Variants in CDKAL1 observed in about 807,000 individuals in gnomAD.
CDKAL1 encodes threonylcarbamoyladenosine tRNA methylthiotransferase.
In CDKAL1, 32 loss-of-function variants were observed where a neutral mutation model predicts 68.2. The ratio of observed to expected loss-of-function variants is 0.47; its 90% CI spans 0.35 to 0.63. CDKAL1 has a LOEUF of 0.63. Among genes scored for constraint, CDKAL1 ranks in the 30% least tolerant of loss-of-function variants. The probability of loss-of-function intolerance (pLI) is 0.00; values close to 1 mark genes in which losing one functional copy is unlikely to be tolerated. For missense variants in CDKAL1, 606 were observed against 696.7 expected, an observed-to-expected ratio of 0.87 and a Z score of 1.47; for synonymous variants, 234 against 244.3, an observed-to-expected ratio of 0.96 and a Z score of 0.39.
At chr6:20,550,839 T>C (rs1363834484) in intron 4 of CDKAL1, among the ~76,000 whole-genome samples, 4 of 151,256 alleles carry the variant, frequency 2.6e-5, no homozygotes, top group African/African-American at 9.7e-5. Flanking sequence ...TACTTTACAG[T>C]TGAGAAAGGA....
In CDKAL1 at chr6:20,796,342, AAAG is replaced by A. The variant is rs530781910; in HGVS notation, c.638+15082_638+15084del. Among the ~76,000 whole-genome samples the A allele has an allele frequency of 8.0e-4, 122 of 152,334 alleles. 1 individual carries two copies. Among genetic ancestry groups the A allele is most frequent in the Non-Finnish European group, 1.5e-3 (101 of 68,016 alleles). On this transcript the variant is annotated intron_variant, in intron 8 of 15. Transcript: ENST00000274695. ...GGAAATTTACAAAACAGAAGAAATC[AAAG>A]AAGATCTAAATAAATCATGCAATGT...
intron 4 of CDKAL1, among the ~76,000 whole-genome samples, chr6:20,575,883 T>G (rs551735645): frequency 2.9e-4 from 44 of 152,236 alleles, no homozygotes; most frequent in African/African-American, 9.6e-4. Flanking sequence ...ACACACTCTA[T>G]CAAAACATCA....
At chr6:21,069,621 T>C (rs1432936418) in intron 12 of CDKAL1, among the ~76,000 whole-genome samples, 6 of 152,208 alleles carry the variant, frequency 3.9e-5, no homozygotes, top group Admixed American at 2.0e-4. Context: ...TAATGTCTTC[T>C]TAATTTTGTT....
At chr6:20,626,907 C>G (rs1053796792) in intron 4 of CDKAL1, among the ~76,000 whole-genome samples, 9 of 152,272 alleles carry the variant, frequency 5.9e-5, no homozygotes, top group Middle Eastern at 3.4e-3. Flanking sequence ...CAGACTGTTT[C>G]ACATGGCCAC....
intron 11 of CDKAL1, among the ~76,000 whole-genome samples, chr6:21,011,479 T>C (rs2150840996): frequency 6.6e-6 from 1 of 152,378 alleles, no homozygotes; most frequent in Middle Eastern, 3.4e-3. Context: ...GATTAAATTT[T>C]GCATTTATTC....
intron 4 of CDKAL1, among the ~76,000 whole-genome samples, chr6:20,605,916 A>T (rs1301905465): frequency 6.6e-6 from 1 of 152,192 alleles, no homozygotes; most frequent in Non-Finnish European, 1.5e-5. Flanking sequence ...ACTCCTCTCA[A>T]GTACTCTGTC....
chr6:20,781,354 G>T, intron 8 of CDKAL1, 89 bp downstream of exon 8: 1 of 1,167,072 alleles, frequency 8.6e-7, no homozygotes, highest in Non-Finnish European at 1.2e-6. Context: ...TAGAAAAGTA[G>T]CTGAACATTT....
At chr6:21,020,056 C>T (rs1352685569) in intron 11 of CDKAL1, among the ~76,000 whole-genome samples, 1 of 152,104 alleles carries the variant, frequency 6.6e-6, no homozygotes, top group East Asian at 1.9e-4. Context: ...CTATTAGAAA[C>T]AAATTTTTCT....
intron 9 of CDKAL1, among the ~76,000 whole-genome samples, chr6:20,916,553 G>A (rs1481140341): frequency 2.6e-5 from 4 of 152,178 alleles, no homozygotes; most frequent in African/African-American, 9.7e-5. Flanking sequence ...AGGTCCATGT[G>A]TTGAGAAGCA....
At chr6:21,203,257 C>T in intron 15 of CDKAL1, among the ~76,000 whole-genome samples, 1 of 76,838 alleles carries the variant, frequency 1.3e-5, no homozygotes, top group Admixed American at 2.1e-4. Context: ...TTTTTTGAGT[C>T]AGAGTCTCAC....
intron 8 of CDKAL1, among the ~76,000 whole-genome samples, chr6:20,826,708 C>G (rs1329725392): frequency 6.6e-6 from 1 of 152,170 alleles, no homozygotes; most frequent in Non-Finnish European, 1.5e-5. Flanking sequence ...TATACCTCAA[C>G]ATCTTGAAGC....
At chr6:20,901,063 C>G (rs1429115048) in intron 9 of CDKAL1, among the ~76,000 whole-genome samples, 1 of 152,014 alleles carries the variant, frequency 6.6e-6, no homozygotes, top group Non-Finnish European at 1.5e-5. Context: ...TCTTTGAAGT[C>G]TAGCGATGAT....
chr6:21,220,674 T>C (rs1463581863), intron 15 of CDKAL1, among the ~76,000 whole-genome samples: 4 of 152,218 alleles, frequency 2.6e-5, no homozygotes, highest in African/African-American at 9.7e-5. Flanking sequence ...GAGTGAATAT[T>C]TGTTACTAAG....
chr6:21,074,615 G>A (rs1180310270), intron 12 of CDKAL1, among the ~76,000 whole-genome samples: 1 of 152,082 alleles, frequency 6.6e-6, no homozygotes, highest in Non-Finnish European at 1.5e-5. Flanking sequence ...TGAGAGATCT[G>A]CAGTCAAACA....
At chr6:20,540,255 A>G (rs904228825) in intron 2 of CDKAL1, among the ~76,000 whole-genome samples, 1 of 150,934 alleles carries the variant, frequency 6.6e-6, no homozygotes, top group South Asian at 2.1e-4. Context: ...TTGTATTTTT[A>G]GTAGAGATGG....
At chr6:20,826,818 G>A (rs1445476839) in intron 8 of CDKAL1, among the ~76,000 whole-genome samples, 2 of 151,938 alleles carry the variant, frequency 1.3e-5, no homozygotes, top group Non-Finnish European at 2.9e-5. Context: ...TACTTTTTTG[G>A]TGAGCAAACT....
At chr6:21,158,822 T>C (rs1334467875) in intron 13 of CDKAL1, among the ~76,000 whole-genome samples, 1 of 152,254 alleles carries the variant, frequency 6.6e-6, no homozygotes, top group Non-Finnish European at 1.5e-5. Context: ...AGAATAAACA[T>C]TCACATGAAT....
At chr6:21,174,576 C>T (rs1158479846) in intron 13 of CDKAL1, among the ~76,000 whole-genome samples, 1 of 151,946 alleles carries the variant, frequency 6.6e-6, no homozygotes, top group African/African-American at 2.4e-5. Context: ...TATTTGTTCC[C>T]CTTTTATGTC....
chr6:20,639,765 T>A (rs1009125725), intron 4 of CDKAL1, among the ~76,000 whole-genome samples: 10 of 152,176 alleles, frequency 6.6e-5, no homozygotes, highest in Non-Finnish European at 1.2e-4. Context: ...CCGCCTCCCA[T>A]GTTCAAGTGA....
Sources: allele counts gnomAD v4.1 joint callset (sites outside exome capture counted in the v4.1 genomes callset), GRCh38; gene constraint gnomAD v4.1.1; transcripts MANE v1.5; gene names NCBI Gene and HGNC (gene_info 2026-07-23, HGNC 2026-07-21).